Variants in BICRA observed in about 807,000 individuals in gnomAD.
BICRA encodes BRD4 interacting chromatin remodeling complex associated protein, also known as BRD4-interacting chromatin-remodeling complex-associated protein.
In BICRA, 31 loss-of-function variants were observed where a neutral mutation model predicts 96.9. The ratio of observed to expected loss-of-function variants is 0.32; its 90% CI spans 0.24 to 0.43. The LOEUF is 0.43. BICRA is among the 20% of genes least tolerant of loss of function. The probability of loss-of-function intolerance (pLI) is 1.00; values close to 1 mark genes in which losing one functional copy is unlikely to be tolerated. For missense variants in BICRA, 2,283 were observed against 2,190.3 expected (o/e 1.04, Z -0.84); for synonymous variants, 1,350 against 1,071.8 (o/e 1.26, Z -5.07).
intron 1 of BICRA, among the ~76,000 whole-genome samples, chr19:47,667,409 C>T (rs746504567): frequency 3.9e-5 from 6 of 152,162 alleles, no homozygotes; most frequent in South Asian, 2.1e-4. Flanking sequence ...AATTCACCCT[C>T]GGGACTGGTT....
intron 7 of BICRA, among the ~76,000 whole-genome samples, chr19:47,691,813 G>A (rs1480574090): frequency 1.3e-5 from 2 of 152,016 alleles, no homozygotes; most frequent in Non-Finnish European, 2.9e-5. Context: ...CACCTGCCTT[G>A]GCCTCCCAAA....
intron 1 of BICRA, among the ~76,000 whole-genome samples, chr19:47,637,525 C>T (rs1221411108): frequency 1.3e-5 from 2 of 152,218 alleles, no homozygotes; most frequent in Admixed American, 6.5e-5. Context: ...AGTGATTCTC[C>T]TGCCTTGTTG....
At chr19:47,676,896 T>C (rs1192075219) in intron 5 of BICRA, among the ~76,000 whole-genome samples, 1 of 152,038 alleles carries the variant, frequency 6.6e-6, no homozygotes, top group Non-Finnish European at 1.5e-5. Context: ...CTAAACACTC[T>C]CCACACGTGA....
At chr19:47,669,415 G>A (rs546244532) in intron 1 of BICRA, among the ~76,000 whole-genome samples, 53 of 152,208 alleles carry the variant, frequency 3.5e-4, no homozygotes, top group African/African-American at 1.2e-3. Flanking sequence ...AGGAGTGGCA[G>A]CTCAGCGTTC....
At chr19:47,609,884 C>G (rs1393690796) in intron 1 of BICRA, among the ~76,000 whole-genome samples, 1 of 152,130 alleles carries the variant, frequency 6.6e-6, no homozygotes, top group Non-Finnish European at 1.5e-5. Context: ...GTTGACTTGA[C>G]CCCCAGCCCC....
chr19:47,678,882 TTTTTTTTC>T (rs1276512251), intron 5 of BICRA: 2 of 189,536 alleles, frequency 1.1e-5, no homozygotes, highest in African/African-American at 2.3e-5. Flanking sequence ...CTTTTTTCTT[TTTTTTTTC>T]TTTTTTTCTT....
rs1229548274 is a variant in BICRA, at chr19:47,681,163, C to A, written c.1993C>A (p.Gln665Lys). Residue 665 changes from glutamine (Q) to lysine (K), a missense_variant, in exon 6 of 15, where the codon CAG (glutamine) becomes AAG (lysine). Coordinates refer to ENST00000594866, the MANE Select transcript of BICRA (RefSeq NM_001394372.1). ...AAAPPQATTP[Q>K]PSPGLASSPE... ...CGCCCCGCCTCAGGCCACCACCCCC[C>A]AGCCCAGCCCTGGCCTGGCGTCTAG... 4 of 1,522,668 alleles carry A rather than the reference C, an allele frequency of 2.6e-6. No individual in the cohort carries two copies. Among genetic ancestry groups the A allele is most frequent in the Non-Finnish European group, 1.8e-6 (2 of 1,135,404 alleles). The allele number at this position is 1,522,668 out of a possible 1,614,324, so 94.3% of individuals were successfully genotyped here.
In BICRA at chr19:47,628,572, A is replaced by G. The variant is rs1432841616; in HGVS notation, c.-108+19404A>G. ...CATATAACACGACGAAAGTCTTTGC[A>G]CCATCTCCTCTTCTTTCCTTTTCCA... On this transcript the variant is annotated intron_variant, in intron 1 of 14. Coordinates refer to ENST00000594866, the MANE Select transcript of BICRA (RefSeq NM_001394372.1). Among the ~76,000 whole-genome samples, 11 of 152,182 alleles carry G rather than the reference A, an allele frequency of 7.2e-5. 1 individual carries two copies. Among genetic ancestry groups the G allele is most frequent in the Admixed American group, 7.2e-4 (11 of 15,264 alleles).
At position 47,675,801 on chromosome 19, in the gene BICRA, G is replaced by A; in HGVS notation, c.85-50G>A. 1 of 1,457,478 alleles carries A rather than the reference G, an allele frequency of 6.9e-7. No homozygotes were observed. Among genetic ancestry groups the A allele is most frequent in the African/African-American group, 1.4e-5 (1 of 71,914 alleles). The allele number at this position is 1,457,478 out of a possible 1,614,324, so 90.3% of individuals were successfully genotyped here. A position where few individuals can be genotyped will look rare whatever the true frequency, so the allele number is the denominator to read the frequency against. Reference sequence around the variant, plus strand: ...TAAATTGGTTTCTGCTCCAGAGCATGGGCCTGCCCTGCTGACTTTTGACCT... The same window carrying A: ...TAAATTGGTTTCTGCTCCAGAGCATAGGCCTGCCCTGCTGACTTTTGACCT... On this transcript the variant is annotated intron_variant, in intron 4 of 14. Coordinates refer to ENST00000594866, the MANE Select transcript of BICRA (RefSeq NM_001394372.1). This position sits in a 1 kb window ranked among gnomAD's most constrained non-coding sequence, Gnocchi z 4.7.
intron 1 of BICRA, among the ~76,000 whole-genome samples, chr19:47,649,660 G>A (rs1471587844): frequency 1.3e-5 from 2 of 152,140 alleles, no homozygotes; most frequent in African/African-American, 4.8e-5. Flanking sequence ...ATTAAGACAT[G>A]GTATGAGGTC....
chr19:47,679,605 C>T lies in BICRA; in HGVS notation c.435C>T (p.Gly145=), dbSNP rs1001770492. 21 of 1,526,880 alleles carry T rather than the reference C, an allele frequency of 1.4e-5. No individual in the cohort carries two copies. Among genetic ancestry groups the T allele is most frequent in the Admixed American group, 6.3e-5 (3 of 47,820 alleles). 94.6% of individuals were successfully genotyped at this position (1,526,880 alleles called of 1,614,324 possible). Residue 145 remains glycine (G), a synonymous_variant, in exon 6 of 15, where the codon GGC becomes GGT. Transcript: ENST00000594866. ...QPADGGAGPT[G]AGGAAAVAAG... ...CGGATGGCGGGGCAGGCCCGACGGG[C>T]GCTGGAGGGGCAGCGGCCGTGGCTG...
Position 47,696,573 on chromosome 19 carries a change from T to C in BICRA, c.3248+61T>C, listed in dbSNP as rs574142342. The C allele has an allele frequency of 7.4e-6, 11 of 1,487,970 alleles. No individual in the cohort carries two copies. The Admixed American group carries it at 1.2e-4, about 17-fold the overall frequency. 92.2% of individuals were successfully genotyped at this position (1,487,970 alleles called of 1,614,324 possible). A position where few individuals can be genotyped will look rare whatever the true frequency, so the allele number is the denominator to read the frequency against. The stretch of plus-strand genomic sequence containing the variant: ...TACCTTCCAGAGACCTGGGGGAGCA[T>C]GGGGCCACCCTCCAGAAGCAGAGTT... On this transcript the variant is annotated intron_variant, in intron 11 of 14. Coordinates refer to ENST00000594866, the MANE Select transcript of BICRA (RefSeq NM_001394372.1).
intron 1 of BICRA, among the ~76,000 whole-genome samples, chr19:47,633,267 A>G (rs558744594): frequency 6.6e-6 from 1 of 151,504 alleles, no homozygotes; most frequent in South Asian, 2.1e-4. Context: ...TTTAGTAGAG[A>G]CGGGGTTTCA....
At position 47,675,590 on chromosome 19, in the gene BICRA, G is replaced by A. The variant is rs921592417; in HGVS notation, c.85-261G>A. Reference sequence around the variant, plus strand: ...GGCAGAGGCGTGAAGGCAGGATTCCGGAATTCGAGGCAGTCACAGCAGGAT... The same window carrying A: ...GGCAGAGGCGTGAAGGCAGGATTCCAGAATTCGAGGCAGTCACAGCAGGAT... On this transcript the variant is annotated intron_variant, in intron 4 of 14. Coordinates refer to ENST00000594866, the MANE Select transcript of BICRA (RefSeq NM_001394372.1). The surrounding 1 kb of genome is among the most constrained non-coding windows in gnomAD (Gnocchi z 4.7). Among the ~76,000 whole-genome samples the A allele has an allele frequency of 1.3e-5, 2 of 152,186 alleles. No homozygotes were observed. The highest frequency in any genetic ancestry group is 4.8e-5 in the African/African-American group (2 of 41,448).
At chr19:47,695,929 G>T (rs560553142) in intron 10 of BICRA, among the ~76,000 whole-genome samples, 1 of 152,044 alleles carries the variant, frequency 6.6e-6, no homozygotes, top group African/African-American at 2.4e-5. Flanking sequence ...TGTAAGACGT[G>T]GGGGAGACAG....
intron 1 of BICRA, among the ~76,000 whole-genome samples, chr19:47,609,479 C>CG (rs1201751665): frequency 1.4e-5 from 2 of 140,016 alleles, no homozygotes; most frequent in Non-Finnish European, 3.0e-5. Context: ...CTATGGGGAC[C>CG]CCCCCCCAAC....
At chr19:47,685,983 TGCAGTG>T (rs1255421218) in intron 7 of BICRA, among the ~76,000 whole-genome samples, 2 of 146,506 alleles carry the variant, frequency 1.4e-5, no homozygotes, top group East Asian at 4.0e-4. Context: ...CAGGCTGGAG[TGCAGTG>T]GCACGATCTT....
intron 1 of BICRA, among the ~76,000 whole-genome samples, chr19:47,644,642 A>T (rs1177530631): frequency 2.0e-5 from 3 of 151,872 alleles, no homozygotes; most frequent in Non-Finnish European, 4.4e-5. Context: ...CTGGGATTAC[A>T]GGCGCCCGCC....
At chr19:47,642,712 GAAAA>G (rs1358230282) in intron 1 of BICRA, among the ~76,000 whole-genome samples, 2 of 151,422 alleles carry the variant, frequency 1.3e-5, no homozygotes, top group Non-Finnish European at 2.9e-5. Context: ...AAAAAGAAAA[GAAAA>G]AAGAAAAAGA....
Sources: gnomAD v4.1 joint callset for allele counts (sites outside exome capture counted in the v4.1 genomes callset) on GRCh38, gnomAD v4.1.1 for gene constraint, Gnocchi (gnomAD v3.1) non-coding constraint, MANE v1.5 for transcripts, NCBI Gene and HGNC (gene_info 2026-07-23, HGNC 2026-07-21) for gene names.